The following MBP variants were observed in gnomAD, a reference collection of about 807,000 sequenced individuals.
The protein encoded by MBP is myelin basic protein.
MBP carries 16 observed loss-of-function variants against 35.8 expected under a neutral mutation model. The ratio of observed to expected loss-of-function variants is 0.45; its 90% confidence interval spans 0.30 to 0.68. The LOEUF is 0.68. Among genes scored for constraint, MBP ranks in the 30% least tolerant of loss-of-function variants. The probability of loss-of-function intolerance (pLI) is 0.08; values close to 1 mark genes in which losing one functional copy is unlikely to be tolerated. For missense variants in MBP, 380 were observed against 404.7 expected, an observed-to-expected ratio of 0.94 and a Z score of 0.52; for synonymous variants, 143 against 159.6, an observed-to-expected ratio of 0.90 and a Z score of 0.78.
At position 77,131,077 on chromosome 18, in the gene MBP, A is replaced by G. The variant is rs1479982617; in HGVS notation, c.-26+1503T>C. On this transcript the variant is annotated intron_variant, in intron 1 of 8. Transcript: ENST00000355994. The surrounding 1 kb of genome is among the most constrained non-coding windows in gnomAD (Gnocchi z 5.5). ...AAAAACAAAACACACACACGCGCGC[A>G]CGCACGCGCACACACACACACACAC... Among the ~76,000 whole-genome samples the G allele has an allele frequency of 1.7e-4, 22 of 133,098 alleles. No homozygotes were observed. Among genetic ancestry groups the G allele is most frequent in the Admixed American group, 4.5e-4 (6 of 13,232 alleles). The allele number at this position is 133,098 out of a possible 152,430, so 87.3% of individuals were successfully genotyped here. A position where few individuals can be genotyped will look rare whatever the true frequency, so the allele number is the denominator to read the frequency against.
intron 2 of MBP, among the ~76,000 whole-genome samples, chr18:77,084,431 CCACACACACACA>C (rs60010988): frequency 1.5e-4 from 16 of 105,966 alleles, no homozygotes; most frequent in East Asian, 1.3e-3. Context: ...CCACACCACA[CCACACACACACA>C]CACACACACA....
chr18:77,072,915 T>C lies in MBP; in HGVS notation c.52-6530A>G, dbSNP rs558265981. On this transcript the variant is annotated intron_variant, in intron 2 of 8. Transcript: ENST00000355994. ...CTCACTGCTTTTAGGACGCCTGGCC[T>C]GTTCAGCCATTGTCAGCAATGGTCA... 2.6e-5 allele frequency among the ~76,000 whole-genome samples: 4 copies of C among 152,360 alleles called. No individual in the cohort carries two copies. In the South Asian group the frequency reaches 8.3e-4, roughly 32 times the overall value.
rs1343145645 is a variant in MBP at position 77,020,650 on chromosome 18, G to A, written c.140-3382C>T. On this transcript the variant is annotated intron_variant, in intron 3 of 8. Coordinates refer to ENST00000355994, the MANE Select transcript of MBP (RefSeq NM_001025101.2). The surrounding 1 kb of genome is among the most constrained non-coding windows in gnomAD (Gnocchi z 4.1). ...AGACCCTTCCCAGGGCTTTACTCGG[G>A]GCTGGTCTCATAGGCTGCCTCGCTT... Among the ~76,000 whole-genome samples, 1 of 152,226 alleles carries A rather than the reference G, an allele frequency of 6.6e-6. No homozygotes were observed. The highest frequency in any genetic ancestry group is 1.5e-5 in the Non-Finnish European group (1 of 68,042).
intron 1 of MBP, among the ~76,000 whole-genome samples, chr18:77,118,653 C>A (rs1300465730): frequency 7.3e-6 from 1 of 137,412 alleles, no homozygotes. Flanking sequence ...ACACCACACA[C>A]ACACACACAC....
At chr18:77,041,027 A>G (rs147032931) in intron 3 of MBP, among the ~76,000 whole-genome samples, 2,539 of 151,976 alleles carry the variant, frequency 0.017, 73 homozygotes, top group African/African-American at 0.058. Context: ...TTTGCAATCT[A>G]CTCATCTGAG....
intron 3 of MBP, among the ~76,000 whole-genome samples, chr18:77,023,420 T>C (rs1046805309): frequency 2.0e-5 from 3 of 152,158 alleles, no homozygotes; most frequent in Non-Finnish European, 4.4e-5. Flanking sequence ...CTATTTCTTA[T>C]GTGACCACAA....
At chr18:77,116,420 G>T (rs1976661901) in intron 1 of MBP, among the ~76,000 whole-genome samples, 1 of 152,172 alleles carries the variant, frequency 6.6e-6, no homozygotes, top group Non-Finnish European at 1.5e-5. Flanking sequence ...TAAAGAAAAG[G>T]GCAGGAGACA....
intron 1 of MBP, chr18:77,127,765 G>A (rs1977101758): frequency 6.6e-6 from 1 of 152,076 alleles, no homozygotes; most frequent in Non-Finnish European, 1.5e-5. Flanking sequence ...ATGGCCATAA[G>A]TACATAAAAA....
chr18:77,105,504 A>G (rs563972369), intron 1 of MBP, among the ~76,000 whole-genome samples: 1 of 152,352 alleles, frequency 6.6e-6, no homozygotes, highest in East Asian at 1.9e-4. Flanking sequence ...GAACCGCACC[A>G]ACATCCAAAT....
chr18:77,009,837 C>T (rs968579447), intron 4 of MBP: 10 of 1,569,656 alleles, frequency 6.4e-6, no homozygotes, highest in Non-Finnish European at 8.6e-6. Context: ...TGAGGACCCG[C>T]CGGCGTCTTA....
chr18:77,081,767 TACACAC>T lies in MBP; in HGVS notation c.52-15388_52-15383del, dbSNP rs1208032259. On this transcript the variant is annotated intron_variant, in intron 2 of 8. Transcript: ENST00000355994. ...ATAGCAGCATATATATATATATATA[TACACAC>T]ACACACACACACACACACACGTATA... 8.4e-3 allele frequency among the ~76,000 whole-genome samples: 837 copies of T among 99,764 alleles called. 17 individuals carry two copies. Among genetic ancestry groups the T allele is most frequent in the African/African-American group, 0.028 (783 of 27,946 alleles). The allele number at this position is 99,764 out of a possible 152,430, so 65.4% of individuals were successfully genotyped here.
intron 4 of MBP, among the ~76,000 whole-genome samples, chr18:76,998,896 T>C (rs1970476506): frequency 6.6e-6 from 1 of 152,072 alleles, no homozygotes; most frequent in African/African-American, 2.4e-5. Context: ...ACGCACCACC[T>C]ACTCCACGGC....
Position 77,009,251 on chromosome 18 carries a change from G to A in MBP, c.576+7581C>T, listed in dbSNP as rs572807544. ...CTTTGTGAGTGCTCCTGGCACCTAT[G>A]TGCTTTGAGAAGCCGTGGCAGCCAC... On this transcript the variant is annotated intron_variant, in intron 4 of 8. Coordinates refer to ENST00000355994, the MANE Select transcript of MBP (RefSeq NM_001025101.2). Among the ~76,000 whole-genome samples the A allele has an allele frequency of 4.6e-5, 7 of 152,292 alleles. No individual in the cohort carries two copies. The South Asian group carries it at 1.4e-3, about 32-fold the overall frequency.
chr18:77,013,654 G>T lies in MBP; in HGVS notation c.576+3178C>A, dbSNP rs959417395. 4.1e-6 allele frequency: 4 copies of T among 985,394 alleles called. No homozygotes were observed. In the African/African-American group the frequency reaches 7.0e-5, roughly 17 times the overall value. The allele number at this position is 985,394 out of a possible 1,614,324, so 61.0% of individuals were successfully genotyped here. ...AATAGAAGAACACTGAGAAGAGCAG[G>T]TTATAAATGAAGGTTTTCACATAAA... On this transcript the variant is annotated intron_variant, in intron 4 of 8. Transcript: ENST00000355994.
At chr18:77,059,437 A>G (rs1157554282) in intron 3 of MBP, among the ~76,000 whole-genome samples, 1 of 151,388 alleles carries the variant, frequency 6.6e-6, no homozygotes, top group Non-Finnish European at 1.5e-5. Context: ...AATTATAATG[A>G]ATTTAAATTA....
chr18:77,065,704 GACAA>G (rs1291910612), intron 3 of MBP: 1 of 152,368 alleles, frequency 6.6e-6, no homozygotes, highest in Non-Finnish European at 1.5e-5. Flanking sequence ...CACAGGGCTG[GACAA>G]ACAGACGATC....
chr18:77,060,052 A>G (rs1297214368), intron 3 of MBP, among the ~76,000 whole-genome samples: 1 of 152,216 alleles, frequency 6.6e-6, no homozygotes, highest in Admixed American at 6.5e-5. Flanking sequence ...TCATGCCTGT[A>G]ATCCAGCACT....
chr18:77,113,891 C>A (rs1229141128), intron 1 of MBP: 1 of 152,202 alleles, frequency 6.6e-6, no homozygotes, highest in Non-Finnish European at 1.5e-5. Context: ...AGGACAATGT[C>A]AAAACTCATC....
At position 76,979,496 on chromosome 18, in the gene MBP, A is replaced by T. The variant is rs7229288; in HGVS notation, c.*931T>A. 0.32 allele frequency: 52,303 copies of T among 163,242 alleles called. 10,413 individuals are homozygous for T. Among genetic ancestry groups the T allele is most frequent in the Non-Finnish European group, 0.45 (33,950 of 74,948 alleles). The allele number at this position is 163,242 out of a possible 1,614,324, so 10.1% of individuals were successfully genotyped here. A position where few individuals can be genotyped will look rare whatever the true frequency, so the allele number is the denominator to read the frequency against. On this transcript the variant is annotated 3_prime_UTR_variant, in exon 9 of 9. Coordinates refer to ENST00000355994, the MANE Select transcript of MBP (RefSeq NM_001025101.2). ...CGGTCACAGCCAGTGTCTATGGGCGACTGGCGCGGCTGCGAGGCTGTCTAG... is the reference window on the plus strand; with the variant it reads ...CGGTCACAGCCAGTGTCTATGGGCGTCTGGCGCGGCTGCGAGGCTGTCTAG...
Sources: allele counts gnomAD v4.1 joint callset (sites outside exome capture counted in the v4.1 genomes callset), GRCh38; gene constraint gnomAD v4.1.1; non-coding constraint Gnocchi (gnomAD v3.1); transcripts MANE v1.5; gene names NCBI Gene and HGNC (gene_info 2026-07-23, HGNC 2026-07-21).